ACSM3: variants seen among roughly 807,000 people sequenced by gnomAD.
The protein encoded by ACSM3 is acyl-coenzyme A synthetase ACSM3, mitochondrial.
Under a neutral mutation model 74.1 loss-of-function variants are expected in ACSM3, and 61 were observed. The observed-to-expected ratio is 0.82, with a 90% confidence interval of 0.67 to 1.02. The LOEUF (loss-of-function observed/expected upper bound fraction) is 1.02. ACSM3 is among the 50% of genes least tolerant of loss of function. ACSM3 has a pLI of 0.00. For synonymous variants in ACSM3, 213 were observed against 241.5 expected, an observed-to-expected ratio of 0.88 and a Z score of 1.09; for missense variants, 660 against 697.0, an observed-to-expected ratio of 0.95 and a Z score of 0.60.
intron 1 of ACSM3, among the ~76,000 whole-genome samples, chr16:20,740,161 G>C (rs926458695): frequency 3.3e-5 from 5 of 152,234 alleles, no homozygotes; most frequent in African/African-American, 1.2e-4. Flanking sequence ...AGGGGGCAGA[G>C]GTGGGCGGAT....
intron 1 of ACSM3, among the ~76,000 whole-genome samples, chr16:20,727,045 G>A (rs1303929933): frequency 6.6e-6 from 1 of 152,172 alleles, no homozygotes; most frequent in Admixed American, 6.5e-5. Flanking sequence ...CTTGTAATAA[G>A]CACTTAGTAT....
chr16:20,765,203 A>G lies in ACSM3; in HGVS notation c.-52+1078A>G, dbSNP rs1244900501. On this transcript the variant is annotated intron_variant, in intron 1 of 13. Transcript: ENST00000289416. ...TTCCTTACCAATGTTTCTGTGGCTC[A>G]GTATAAAAATCTGGAGTCACCCTGG... 2.0e-5 allele frequency among the ~76,000 whole-genome samples: 3 copies of G among 152,190 alleles called. No individual in the cohort carries two copies. In the East Asian group the frequency reaches 5.8e-4, roughly 29 times the overall value.
chr16:20,739,123 C>T (rs1757742455), intron 1 of ACSM3: 1 of 1,562,532 alleles, frequency 6.4e-7, no homozygotes, highest in South Asian at 1.1e-5. Flanking sequence ...CACATTTAAA[C>T]ACTATAAGTA....
chr16:20,732,244 T>C (rs1384650722), intron 1 of ACSM3, among the ~76,000 whole-genome samples: 2 of 152,216 alleles, frequency 1.3e-5, no homozygotes, highest in African/African-American at 4.8e-5. Flanking sequence ...AGTTTCCTTC[T>C]AACCATGGAA....
chr16:20,747,568 T>C (rs1596496900), intron 1 of ACSM3, among the ~76,000 whole-genome samples: 1 of 152,346 alleles, frequency 6.6e-6, no homozygotes, highest in African/African-American at 2.4e-5. Context: ...GTCCCACCCA[T>C]TGGTCTCTCC....
intron 3 of ACSM3, among the ~76,000 whole-genome samples, chr16:20,758,647 T>C (rs1341240023): frequency 6.6e-6 from 1 of 152,184 alleles, no homozygotes; most frequent in Non-Finnish European, 1.5e-5. Flanking sequence ...CTGCTCGATT[T>C]TAGTTATTTC....
At chr16:20,787,960 C>A (rs1469670325) in intron 9 of ACSM3, among the ~76,000 whole-genome samples, 2 of 152,140 alleles carry the variant, frequency 1.3e-5, no homozygotes, top group African/African-American at 4.8e-5. Flanking sequence ...CAAATAATAA[C>A]AGAACTGATT....
intron 1 of ACSM3, chr16:20,718,343 T>C: frequency 1.1e-6 from 1 of 893,854 alleles, no homozygotes; most frequent in East Asian, 3.7e-5. Context: ...CCATCCATAT[T>C]TTGCAGATCC....
At chr16:20,777,647 C>T in intron 4 of ACSM3, 67 bp downstream of exon 4, 1 of 1,383,130 alleles carries the variant, frequency 7.2e-7, no homozygotes, top group Non-Finnish European at 1.0e-6. Context: ...AGATATTAAA[C>T]CCAGCAGTGA....
intron 1 of ACSM3, among the ~76,000 whole-genome samples, chr16:20,696,957 G>A (rs183520928): frequency 6.6e-6 from 1 of 152,286 alleles, no homozygotes; most frequent in African/African-American, 2.4e-5. Context: ...CTTCTTCCCA[G>A]CTCCCCATAA....
intron 7 of ACSM3, among the ~76,000 whole-genome samples, chr16:20,782,034 A>G (rs1419907891): frequency 6.6e-6 from 1 of 152,152 alleles, no homozygotes; most frequent in Non-Finnish European, 1.5e-5. Flanking sequence ...CCCAGTGGTT[A>G]TGGGTAAGAA....
At chr16:20,724,692 C>T (rs1308731143) in intron 1 of ACSM3, among the ~76,000 whole-genome samples, 2 of 152,170 alleles carry the variant, frequency 1.3e-5, no homozygotes, top group Non-Finnish European at 2.9e-5. Flanking sequence ...TCTCAGGATA[C>T]AAAATCAATG....
chr16:20,772,409 TTAAAA>T, intron 2 of ACSM3, among the ~76,000 whole-genome samples: 1 of 148,468 alleles, frequency 6.7e-6, no homozygotes. Context: ...AAAATTAAAA[TTAAAA>T]TAAAAAATAA....
At chr16:20,792,168 C>T in intron 11 of ACSM3, 39 bp downstream of exon 11, 1 of 1,614,046 alleles carries the variant, frequency 6.2e-7, no homozygotes, top group Non-Finnish European at 8.5e-7. Flanking sequence ...TCTGTGTTAA[C>T]TGATCATCAG....
chr16:20,781,637 G>C (rs1053778041), intron 6 of ACSM3, 71 bp from the exon 7 acceptor site: 2 of 1,147,448 alleles, frequency 1.7e-6, no homozygotes, highest in African/African-American at 1.5e-5. Context: ...ATTGTGCTGC[G>C]TCAACCAAAG....
chr16:20,747,682 GA>G (rs2079963540), intron 1 of ACSM3, among the ~76,000 whole-genome samples: 1 of 152,192 alleles, frequency 6.6e-6, no homozygotes, highest in African/African-American at 2.4e-5. Flanking sequence ...ATGCTCCAAA[GA>G]ATGAATCACC....
intron 1 of ACSM3, chr16:20,739,101 G>T: frequency 6.2e-7 from 1 of 1,610,358 alleles, no homozygotes; most frequent in South Asian, 1.1e-5. Context: ...GAGCAGAAAT[G>T]ACACAACAGC....
intron 7 of ACSM3, among the ~76,000 whole-genome samples, chr16:20,782,418 C>G (rs1199816954): frequency 6.6e-6 from 1 of 152,136 alleles, no homozygotes; most frequent in Admixed American, 6.5e-5. Flanking sequence ...CCCAGAGTCC[C>G]CAAAGTCCAT....
chr16:20,728,573 C>CA, intron 1 of ACSM3: 2 of 478,844 alleles, frequency 4.2e-6, no homozygotes, highest in South Asian at 5.3e-5. Flanking sequence ...TATGTAACCT[C>CA]AGGCAAGCAA....
Sources: gnomAD v4.1 joint callset for allele counts (sites outside exome capture counted in the v4.1 genomes callset) on GRCh38, gnomAD v4.1.1 for gene constraint, MANE v1.5 for transcripts, NCBI Gene and HGNC (gene_info 2026-07-23, HGNC 2026-07-21) for gene names.